TBC1D32: variants seen among roughly 807,000 people sequenced by gnomAD.
TBC1D32 encodes the protein protein broad-minded.
In TBC1D32, 151 loss-of-function variants were observed where a neutral mutation model predicts 170.3. The ratio of observed to expected loss-of-function variants is 0.89; its 90% CI spans 0.78 to 1.01. The LOEUF (loss-of-function observed/expected upper bound fraction) is 1.01, where lower values mean the gene tolerates loss of function less well. TBC1D32 is among the 50% of genes least tolerant of loss of function. The pLI is 0.00. For missense variants in TBC1D32, 1,464 were observed against 1,457.1 expected, an observed-to-expected ratio of 1.00 and a Z score of -0.08; for synonymous variants, 498 against 488.0, an observed-to-expected ratio of 1.02 and a Z score of -0.27.
intron 22 of TBC1D32, among the ~76,000 whole-genome samples, chr6:121,182,198 T>C (rs537366276): frequency 5.3e-5 from 8 of 151,958 alleles, no homozygotes; most frequent in East Asian, 1.9e-4. Context: ...CAAATGCAAA[T>C]AGTACTTGCA....
rs148100941 is a variant in TBC1D32 at position 121,199,115 on chromosome 6, G to A, written c.2570+5960C>T. Among the ~76,000 whole-genome samples the A allele has an allele frequency of 2.6e-3, 388 of 151,392 alleles. 25 individuals are homozygous for A. Among genetic ancestry groups the A allele is most frequent in the African/African-American group, 8.9e-3 (363 of 40,784 alleles). ...AAGGGTGTAGATAAAAATACATAAG[G>A]TTGGAAAATGTGCCTATCCTTTGAC... On this transcript the variant is annotated intron_variant, in intron 22 of 31. Coordinates refer to ENST00000398212, the MANE Select transcript of TBC1D32 (RefSeq NM_152730.6).
intron 3 of TBC1D32, among the ~76,000 whole-genome samples, chr6:121,312,558 C>G (rs1347548997): frequency 6.6e-6 from 1 of 152,098 alleles, no homozygotes; most frequent in Non-Finnish European, 1.5e-5. Context: ...CAACTTGAGA[C>G]TAACAAGGCA....
intron 29 of TBC1D32, among the ~76,000 whole-genome samples, chr6:121,112,127 C>T (rs1288966924): frequency 2.6e-5 from 4 of 151,988 alleles, no homozygotes; most frequent in Non-Finnish European, 5.9e-5. Flanking sequence ...CAATATCTTC[C>T]TAATAAATGA....
intron 24 of TBC1D32, among the ~76,000 whole-genome samples, chr6:121,132,443 A>C (rs1781538792): frequency 6.6e-6 from 1 of 151,988 alleles, no homozygotes; most frequent in South Asian, 2.1e-4. Context: ...AAACCTTATT[A>C]AAATGACTTA....
At chr6:121,221,456 A>G (rs9385191) in intron 21 of TBC1D32, among the ~76,000 whole-genome samples, 134,517 of 152,270 alleles carry the variant, frequency 0.88, 59,875 homozygotes, top group East Asian at 0.98. Context: ...TAAGGCTATA[A>G]CTGCCATAAA....
chr6:121,216,083 T>C (rs747883873), intron 21 of TBC1D32, among the ~76,000 whole-genome samples: 38 of 152,236 alleles, frequency 2.5e-4, no homozygotes, highest in Non-Finnish European at 2.1e-4. Flanking sequence ...GTGAGGATGC[T>C]GCCAAAGGAA....
chr6:121,127,664 T>C (rs1201914700), intron 25 of TBC1D32, among the ~76,000 whole-genome samples: 2 of 152,116 alleles, frequency 1.3e-5, no homozygotes, highest in Admixed American at 1.3e-4. Context: ...CTTCTTTCTT[T>C]ATAAATCACT....
intron 20 of TBC1D32, among the ~76,000 whole-genome samples, chr6:121,232,254 T>C (rs1250573675): frequency 1.3e-5 from 2 of 152,134 alleles, no homozygotes; most frequent in Non-Finnish European, 2.9e-5. Context: ...ATTTCTGAGT[T>C]CTCTATTTCT....
intron 20 of TBC1D32, 56 bp downstream of exon 20, chr6:121,239,014 T>C (rs1250212562): frequency 2.1e-6 from 2 of 965,508 alleles, no homozygotes; most frequent in Admixed American, 3.6e-5. Flanking sequence ...ATGAACGAAT[T>C]CATTTCTGTG....
At chr6:121,156,934 T>C (rs1784968983) in intron 24 of TBC1D32, among the ~76,000 whole-genome samples, 1 of 152,160 alleles carries the variant, frequency 6.6e-6, no homozygotes, top group Admixed American at 6.5e-5. Flanking sequence ...AAGCATATGG[T>C]CAATCACAGA....
At position 121,080,441 on chromosome 6, in the gene TBC1D32, CTT is replaced by C; in HGVS notation, c.*328_*329del. ...ATTTTGGCCAGGATGGTCTCGATCTCTTGACCTCGTGATCCGCCCACCTCAGA... is the reference window on the plus strand; with the variant it reads ...ATTTTGGCCAGGATGGTCTCGATCTCGACCTCGTGATCCGCCCACCTCAGA... On this transcript the variant is annotated 3_prime_UTR_variant, in exon 32 of 32. Transcript: ENST00000398212. 4.1e-6 allele frequency: 1 copy of C among 246,774 alleles called. No individual in the cohort carries two copies. The highest frequency in any genetic ancestry group is 4.2e-5 in the South Asian group (1 of 23,776). The allele number at this position is 246,774 out of a possible 1,614,324, so 15.3% of individuals were successfully genotyped here.
chr6:121,162,062 C>T (rs1215154827), intron 22 of TBC1D32, among the ~76,000 whole-genome samples: 2 of 152,100 alleles, frequency 1.3e-5, no homozygotes, highest in African/African-American at 4.8e-5. Flanking sequence ...TGTTTACATT[C>T]CTTGTACATG....
intron 22 of TBC1D32, among the ~76,000 whole-genome samples, chr6:121,162,731 G>A (rs1288040127): frequency 2.0e-5 from 3 of 151,630 alleles, no homozygotes; most frequent in Non-Finnish European, 2.9e-5. Context: ...CAAGATGGCC[G>A]AATAGGAACA....
Position 121,195,564 on chromosome 6 carries a change from CAT to C in TBC1D32, c.2570+9509_2570+9510del, listed in dbSNP as rs1790615169. Among the ~76,000 whole-genome samples the C allele has an allele frequency of 1.3e-5, 2 of 152,112 alleles. 1 individual carries two copies. The highest frequency in any genetic ancestry group is 1.3e-4 in the Admixed American group (2 of 15,274). On this transcript the variant is annotated intron_variant, in intron 22 of 31. Coordinates refer to ENST00000398212, the MANE Select transcript of TBC1D32 (RefSeq NM_152730.6). Reference sequence around the variant, plus strand: ...ATTCCATCATCAAGTGGAAGTTGTACATATGTGATCGGGCTCGAGCAGGTCCT... The same window carrying C: ...ATTCCATCATCAAGTGGAAGTTGTACATGTGATCGGGCTCGAGCAGGTCCT...
At chr6:121,175,203 T>C (rs1259571176) in intron 22 of TBC1D32, among the ~76,000 whole-genome samples, 4 of 152,178 alleles carry the variant, frequency 2.6e-5, no homozygotes, top group Non-Finnish European at 4.4e-5. Flanking sequence ...CACTTTTCTT[T>C]CTTTAGGCTA....
At chr6:121,212,307 G>A (rs910060870) in intron 21 of TBC1D32, among the ~76,000 whole-genome samples, 1 of 151,930 alleles carries the variant, frequency 6.6e-6, no homozygotes, top group Non-Finnish European at 1.5e-5. Flanking sequence ...AATAAGAGCT[G>A]GTATCATTCC....
At chr6:121,217,952 C>T (rs1170802299) in intron 21 of TBC1D32, among the ~76,000 whole-genome samples, 1 of 152,168 alleles carries the variant, frequency 6.6e-6, no homozygotes, top group East Asian at 1.9e-4. Flanking sequence ...TAGTACCATA[C>T]ACTGAGAAAA....
chr6:121,223,156 T>C, intron 21 of TBC1D32, 80 bp downstream of exon 21: 1 of 895,084 alleles, frequency 1.1e-6, no homozygotes, highest in Non-Finnish European at 1.7e-6. Flanking sequence ...TTTTTTCTCT[T>C]TTTGGTCAAA....
intron 10 of TBC1D32, 67 bp from the exon 11 acceptor site, chr6:121,294,727 T>C (rs1805363432): frequency 8.5e-6 from 10 of 1,179,580 alleles, no homozygotes; most frequent in Non-Finnish European, 1.3e-5. Context: ...TAAAAGAAAT[T>C]AGTCAAAGCT....
Sources: gnomAD v4.1 joint callset for allele counts (sites outside exome capture counted in the v4.1 genomes callset) on GRCh38, gnomAD v4.1.1 for gene constraint, MANE v1.5 for transcripts, NCBI Gene and HGNC (gene_info 2026-07-23, HGNC 2026-07-21) for gene names.